Variants in TRAF7 observed in about 807,000 individuals in gnomAD.
TRAF7 encodes TNF receptor associated factor 7, also known as E3 ubiquitin-protein ligase TRAF7.
A neutral mutation model predicts 89.3 loss-of-function variants in TRAF7; 45 were observed. That is an observed-to-expected ratio of 0.50 (90% CI 0.40 to 0.65). The LOEUF is 0.65. TRAF7 is among the 30% of genes least tolerant of loss of function. The pLI, the probability that TRAF7 is intolerant of heterozygous loss-of-function variation, is 0.00. For missense variants in TRAF7, 677 were observed against 918.1 expected (o/e 0.74, Z 3.39); for synonymous variants, 406 against 369.2 (o/e 1.10, Z -1.14).
intron 1 of TRAF7, among the ~76,000 whole-genome samples, chr16:2,160,622 G>A (rs2093054839): frequency 1.3e-5 from 2 of 151,594 alleles, no homozygotes; most frequent in South Asian, 2.1e-4. Flanking sequence ...GGGGTAGGGG[G>A]GCTGATGGGG....
rs1017245874 is a variant in TRAF7, at chr16:2,158,772, G to T, written c.-39+2914G>T. On this transcript the variant is annotated intron_variant, in intron 1 of 20. Coordinates refer to ENST00000326181, the MANE Select transcript of TRAF7 (RefSeq NM_032271.3). The surrounding 1 kb of genome is among the most constrained non-coding windows in gnomAD (Gnocchi z 4.7). ...GACTGGGAAGCGTGGGCTCGGCGGG[G>T]GGGGGGGGGACACTGCCACCCTTGG... Among the ~76,000 whole-genome samples the T allele has an allele frequency of 3.3e-5, 5 of 150,904 alleles. No individual in the cohort carries two copies. The highest frequency in any genetic ancestry group is 4.2e-4 in the South Asian group (2 of 4,748).
intron 2 of TRAF7, among the ~76,000 whole-genome samples, 183 bp downstream of exon 2, chr16:2,164,184 GC>G (rs897673339): frequency 4.4e-5 from 6 of 135,660 alleles, no homozygotes; most frequent in African/African-American, 1.7e-4. Flanking sequence ...GCGCGCGCAC[GC>G]GTGCGTGTGT....
At chr16:2,173,656 G>A (rs1596678343) in intron 11 of TRAF7, 102 bp downstream of exon 11, 1 of 1,571,218 alleles carries the variant, frequency 6.4e-7, no homozygotes, top group African/African-American at 1.4e-5. Context: ...GTCAAGATCA[G>A]GGGTCTTGTG....
At position 2,176,678 on chromosome 16, in the gene TRAF7, C is replaced by T; in HGVS notation, c.*104C>T. On this transcript the variant is annotated 3_prime_UTR_variant, in exon 21 of 21. Coordinates refer to ENST00000326181, the MANE Select transcript of TRAF7 (RefSeq NM_032271.3). ...TCGGGGTTTCTGCCTGCCCCGTGGG[C>T]ATAGGTGGACAGGCTCTGGCAGCCG... 6.4e-7 allele frequency: 1 copy of T among 1,555,068 alleles called. No individual in the cohort carries two copies. The highest frequency in any genetic ancestry group is 1.1e-5 in the South Asian group (1 of 88,846).
chr16:2,173,866 C>CCCCCCGG, intron 12 of TRAF7, 30 bp downstream of exon 12: 1 of 1,329,522 alleles, frequency 7.5e-7, no homozygotes, highest in Non-Finnish European at 1.1e-6. Flanking sequence ...GGCTCCCGCC[C>CCCCCCGG]ACCCTCCCCC....
chr16:2,171,685 C>G, intron 7 of TRAF7, 80 bp downstream of exon 7: 1 of 1,601,952 alleles, frequency 6.2e-7, no homozygotes, highest in Non-Finnish European at 8.5e-7. Context: ...TCTCCCTTGT[C>G]CCCTGCACAG....
chr16:2,172,627 CGGGGTGGG>C, intron 9 of TRAF7, 28 bp downstream of exon 9: 12 of 765,864 alleles, frequency 1.6e-5, no homozygotes, highest in Non-Finnish European at 2.0e-5. Flanking sequence ...GGGGGTGGGC[CGGGGTGGG>C]CGCAGGCCCT....
At chr16:2,166,789 A>C (rs78630445) in intron 3 of TRAF7, among the ~76,000 whole-genome samples, 1 of 152,354 alleles carries the variant, frequency 6.6e-6, no homozygotes, top group African/African-American at 2.4e-5. Context: ...CCTATCCCCT[A>C]AAAACCAGAG....
At chr16:2,164,936 G>C (rs71384671) in intron 2 of TRAF7, among the ~76,000 whole-genome samples, 1 of 62,784 alleles carries the variant, frequency 1.6e-5, no homozygotes, top group Admixed American at 1.4e-4. Flanking sequence ...TGGTCGCATG[G>C]TTAAGCGTGT....
In TRAF7 at chr16:2,161,766, C is replaced by T. The variant is rs560668099; in HGVS notation, c.-38-2117C>T. 7.2e-5 allele frequency among the ~76,000 whole-genome samples: 11 copies of T among 152,204 alleles called. No individual in the cohort carries two copies. Among genetic ancestry groups the T allele is most frequent in the Non-Finnish European group, 1.6e-4 (11 of 68,034 alleles). ...TTACCCCAGCTGGGACATCCTCACCCCAAGCACAATGGCAAAAGGCAAGCC... is the reference window on the plus strand; with the variant it reads ...TTACCCCAGCTGGGACATCCTCACCTCAAGCACAATGGCAAAAGGCAAGCC... On this transcript the variant is annotated intron_variant, in intron 1 of 20. Coordinates refer to ENST00000326181, the MANE Select transcript of TRAF7 (RefSeq NM_032271.3). This position sits in a 1 kb window ranked among gnomAD's most constrained non-coding sequence, Gnocchi z 5.2.
chr16:2,173,104 A>T, intron 9 of TRAF7, 78 bp from the exon 10 acceptor site: 1 of 1,380,738 alleles, frequency 7.2e-7, no homozygotes, highest in Non-Finnish European at 1.0e-6. Context: ...ACAGGGCTGG[A>T]GCATTTGAGG....
In TRAF7 at chr16:2,170,661, C is replaced by G. The variant is rs746932418; in HGVS notation, c.279C>G (p.Arg93=). Residue 93 remains arginine, a synonymous_variant, in exon 5 of 21, where the codon CGC becomes CGG. Coordinates refer to ENST00000326181, the MANE Select transcript of TRAF7 (RefSeq NM_032271.3). ...PRRSDSAISV[R]SLHSESSMSL... The stretch of plus-strand genomic sequence containing the variant: ...GCTCCGACTCCGCCATCTCTGTCCG[C>G]TCCCTGCACTCAGAGTCCAGCATGT... The G allele has an allele frequency of 1.6e-5, 26 of 1,610,312 alleles. No individual in the cohort carries two copies. The highest frequency in any genetic ancestry group is 2.5e-6 in the Non-Finnish European group (3 of 1,178,810).
In TRAF7 at chr16:2,176,595, G is replaced by A. The variant is rs371235860; in HGVS notation, c.*21G>A. The A allele has an allele frequency of 1.1e-5, 18 of 1,613,286 alleles. No homozygotes were observed. The African/African-American group carries it at 2.1e-4, about 19-fold the overall frequency. ...GCTAACAGGATCCAGGCCAGGCTGT[G>A]GTTTCCCCTGAACCAGCCCTGGACC... On this transcript the variant is annotated 3_prime_UTR_variant, in exon 21 of 21. Coordinates refer to ENST00000326181, the MANE Select transcript of TRAF7 (RefSeq NM_032271.3).
intron 1 of TRAF7, among the ~76,000 whole-genome samples, chr16:2,156,432 G>C (rs1032240704): frequency 3.9e-5 from 6 of 152,172 alleles, no homozygotes; most frequent in Non-Finnish European, 7.3e-5. Context: ...AGACAGACAG[G>C]GTGGTGGGAT....
intron 12 of TRAF7, 27 bp downstream of exon 12, chr16:2,173,863 G>T: frequency 2.3e-5 from 21 of 894,634 alleles, no homozygotes; most frequent in South Asian, 5.7e-5. Context: ...CGTGGCTCCC[G>T]CCCACCCTCC....
At chr16:2,172,145 C>A in intron 7 of TRAF7, 46 bp from the exon 8 acceptor site, 1 of 1,608,040 alleles carries the variant, frequency 6.2e-7, no homozygotes, top group Non-Finnish European at 8.5e-7. Context: ...GGTGAGGGAG[C>A]GTGTGCCAGG....
chr16:2,166,820 C>T (rs1480297650), intron 3 of TRAF7, among the ~76,000 whole-genome samples: 6 of 152,374 alleles, frequency 3.9e-5, no homozygotes, highest in South Asian at 2.1e-4. Flanking sequence ...TGAACGCAAG[C>T]GCCGTGCTCA....
chr16:2,173,037 A>G (rs1596677724), intron 9 of TRAF7, 145 bp from the exon 10 acceptor site: 1 of 651,918 alleles, frequency 1.5e-6, no homozygotes, highest in African/African-American at 2.3e-5. Context: ...CTGGATGGGG[A>G]GGAGGGGCAG....
At position 2,159,682 on chromosome 16, in the gene TRAF7, G is replaced by T. The variant is rs2093049646; in HGVS notation, c.-39+3824G>T. Reference sequence around the variant, plus strand: ...CACACACAGCCCTGTGGCAGGCGGGGCGGAGGCTTCTGGAGCCGTCCCAGG... The same window carrying T: ...CACACACAGCCCTGTGGCAGGCGGGTCGGAGGCTTCTGGAGCCGTCCCAGG... On this transcript the variant is annotated intron_variant, in intron 1 of 20. Transcript: ENST00000326181. The surrounding 1 kb of genome is among the most constrained non-coding windows in gnomAD (Gnocchi z 6.5). Among the ~76,000 whole-genome samples, 1 of 152,210 alleles carries T rather than the reference G, an allele frequency of 6.6e-6. No individual in the cohort carries two copies. Among genetic ancestry groups the T allele is most frequent in the South Asian group, 2.1e-4 (1 of 4,836 alleles).
Sources: gnomAD v4.1 joint callset for allele counts (sites outside exome capture counted in the v4.1 genomes callset) on GRCh38, gnomAD v4.1.1 for gene constraint, Gnocchi (gnomAD v3.1) non-coding constraint, MANE v1.5 for transcripts, NCBI Gene and HGNC (gene_info 2026-07-23, HGNC 2026-07-21) for gene names.